EPB41L4A: variants seen among roughly 807,000 people sequenced by gnomAD.
EPB41L4A encodes erythrocyte membrane protein band 4.1 like 4A.
In EPB41L4A, 100 loss-of-function variants were observed where a neutral mutation model predicts 108.6. The observed-to-expected ratio is 0.92, with a 90% CI of 0.78 to 1.09. EPB41L4A has a LOEUF of 1.09. Ranked by LOEUF, EPB41L4A falls within the 50% of genes least tolerant of loss-of-function variation. EPB41L4A has a pLI of 0.00. For synonymous variants in EPB41L4A, 319 were observed against 289.0 expected (o/e 1.10, Z -1.05); for missense variants, 1,030 against 842.7 (o/e 1.22, Z -2.75).
downstream of EPB41L4A, chr5:112,161,543 A>C: frequency 1.9e-6 from 1 of 519,220 alleles, no homozygotes. Flanking sequence ...AAAAAGGCGT[A>C]AATTAAACGC....
At chr5:112,143,959 T>G in intron 13 of EPB41L4A, 1 of 428,602 alleles carries the variant, frequency 2.3e-6, no homozygotes, top group Non-Finnish European at 4.8e-6. Context: ...TAATAAATTA[T>G]GCTATGGCCA....
intron 10 of EPB41L4A, 32 bp downstream of exon 10, chr5:112,240,687 A>C: frequency 8.1e-7 from 1 of 1,235,806 alleles, no homozygotes; most frequent in Non-Finnish European, 1.1e-6. Flanking sequence ...TCATTTATTA[A>C]GACAACAAAC....
chr5:112,319,513 A>G (rs985678451), intron 1 of EPB41L4A, among the ~76,000 whole-genome samples: 1 of 152,256 alleles, frequency 6.6e-6, no homozygotes, highest in Non-Finnish European at 1.5e-5. Flanking sequence ...AATAGAATTT[A>G]CACATGAAAG....
At chr5:112,304,099 T>C (rs1580646626) in intron 2 of EPB41L4A, among the ~76,000 whole-genome samples, 2 of 152,158 alleles carry the variant, frequency 1.3e-5, no homozygotes, top group Admixed American at 6.5e-5. Context: ...ATTGCTTTTA[T>C]TGTCTTAGCA....
intron 1 of EPB41L4A, among the ~76,000 whole-genome samples, chr5:112,365,306 T>C (rs1759052607): frequency 1.3e-5 from 2 of 152,158 alleles, no homozygotes; most frequent in African/African-American, 4.8e-5. Flanking sequence ...ACTGTAATCC[T>C]CCCACCTCAG....
intron 2 of EPB41L4A, among the ~76,000 whole-genome samples, chr5:112,295,596 G>A (rs897224392): frequency 1.1e-4 from 16 of 152,164 alleles, no homozygotes; most frequent in African/African-American, 3.1e-4. Context: ...CCAAGGGCAC[G>A]AATAATCACA....
intron 12 of EPB41L4A, among the ~76,000 whole-genome samples, chr5:112,213,988 A>C (rs180928595): frequency 6.6e-6 from 1 of 152,362 alleles, no homozygotes; most frequent in East Asian, 1.9e-4. Context: ...TAATCAATTC[A>C]GTAAAGCTAG....
chr5:112,327,571 C>T (rs1756256338), intron 1 of EPB41L4A, among the ~76,000 whole-genome samples: 1 of 151,990 alleles, frequency 6.6e-6, no homozygotes, highest in African/African-American at 2.4e-5. Flanking sequence ...TAAAAATTAG[C>T]CAGGTATGGT....
At chr5:112,329,228 T>A (rs885137) in intron 1 of EPB41L4A, among the ~76,000 whole-genome samples, 1 of 152,124 alleles carries the variant, frequency 6.6e-6, no homozygotes, top group South Asian at 2.1e-4. Flanking sequence ...TTAGATATAT[T>A]GAATTAAATA....
chr5:112,418,299 T>G (rs988253794), intron 1 of EPB41L4A, among the ~76,000 whole-genome samples: 5 of 152,196 alleles, frequency 3.3e-5, no homozygotes, highest in African/African-American at 1.2e-4. Flanking sequence ...GCCTTTTTGT[T>G]TGGGCTCTCT....
chr5:112,366,305 A>AG (rs1020587304), intron 1 of EPB41L4A, among the ~76,000 whole-genome samples: 2 of 151,968 alleles, frequency 1.3e-5, no homozygotes, highest in Non-Finnish European at 2.9e-5. Flanking sequence ...TAGAAAAAAA[A>AG]AAAGAAAGAA....
intron 3 of EPB41L4A, among the ~76,000 whole-genome samples, chr5:112,276,146 A>G (rs1388007411): frequency 6.6e-6 from 1 of 152,232 alleles, no homozygotes; most frequent in Non-Finnish European, 1.5e-5. Flanking sequence ...CAGTGAGGCT[A>G]CATAATAAAA....
chr5:112,419,153 A>T lies in EPB41L4A; in HGVS notation c.-114T>A. 1.3e-6 allele frequency: 1 copy of T among 776,742 alleles called. No individual in the cohort carries two copies. The highest frequency in any genetic ancestry group is 1.7e-5 in the South Asian group (1 of 59,722). The allele number at this position is 776,742 out of a possible 1,614,324, so 48.1% of individuals were successfully genotyped here. On this transcript the variant is annotated 5_prime_UTR_variant, in exon 1 of 23. Coordinates refer to ENST00000261486, the MANE Select transcript of EPB41L4A (RefSeq NM_022140.5). ...TTGTCCGCGCCGTGGCGAGGGTGAG[A>T]CGAGCAGCTCCCGGCGGGGTCCGGG... is the stretch of plus-strand genomic sequence containing the variant.
intron 19 of EPB41L4A, 44 bp from the exon 20 acceptor site, chr5:112,170,413 T>C (rs1760508311): frequency 1.6e-6 from 2 of 1,239,946 alleles, no homozygotes; most frequent in African/African-American, 3.0e-5. Flanking sequence ...GGTGCTGGTA[T>C]AAATGCTAGT....
At chr5:112,408,667 C>A (rs1308336799) in intron 1 of EPB41L4A, among the ~76,000 whole-genome samples, 1 of 89,180 alleles carries the variant, frequency 1.1e-5, no homozygotes, top group Non-Finnish European at 2.0e-5. Context: ...CATGGTGAGA[C>A]TCCATCTCAA....
intron 12 of EPB41L4A, among the ~76,000 whole-genome samples, chr5:112,226,507 C>T (rs984376247): frequency 6.6e-6 from 1 of 152,146 alleles, no homozygotes; most frequent in Non-Finnish European, 1.5e-5. Flanking sequence ...ATAGGGGAAA[C>T]CACCTTACAT....
chr5:112,399,824 T>C (rs905119879), intron 1 of EPB41L4A, among the ~76,000 whole-genome samples: 1 of 152,350 alleles, frequency 6.6e-6, no homozygotes, highest in South Asian at 2.1e-4. Flanking sequence ...AGCAGCCCAC[T>C]GACCTAGGAG....
chr5:112,162,995 G>C lies in EPB41L4A; in HGVS notation c.*1995C>G, dbSNP rs765693864. ...TTGTAAGATGGCTATTATGGGAGGT[G>C]AGAGTGTTACAAAATGAGGCTGAAG... On this transcript the variant is annotated 3_prime_UTR_variant, in exon 23 of 23. Transcript: ENST00000261486. 5.9e-5 allele frequency: 9 copies of C among 152,198 alleles called. No homozygotes were observed. Among genetic ancestry groups the C allele is most frequent in the African/African-American group, 2.2e-4 (9 of 41,452 alleles). The allele number at this position is 152,198 out of a possible 1,614,324, so 9.4% of individuals were successfully genotyped here.
intron 1 of EPB41L4A, among the ~76,000 whole-genome samples, chr5:112,416,944 T>G (rs80110677): frequency 0.033 from 5,059 of 152,308 alleles, 269 homozygotes; most frequent in African/African-American, 0.11. Flanking sequence ...GAAGATAATG[T>G]GATTAGCTTT....
Sources: gnomAD v4.1 joint callset for allele counts (sites outside exome capture counted in the v4.1 genomes callset) on GRCh38, gnomAD v4.1.1 for gene constraint, MANE v1.5 for transcripts, NCBI Gene and HGNC (gene_info 2026-07-23, HGNC 2026-07-21) for gene names.